The following SEMA3A variants were observed in gnomAD, a reference collection of about 807,000 sequenced individuals.
SEMA3A encodes the protein semaphorin 3A.
A neutral mutation model predicts 97.9 loss-of-function variants in SEMA3A; 29 were observed. That is an observed-to-expected ratio of 0.30 (90% CI 0.22 to 0.40). The LOEUF (loss-of-function observed/expected upper bound fraction) is 0.40, where lower values mean the gene tolerates loss of function less well. SEMA3A is among the 10% of genes least tolerant of loss of function. The pLI is 1.00. For missense variants in SEMA3A, 763 were observed against 951.3 expected, an observed-to-expected ratio of 0.80 and a Z score of 2.60; for synonymous variants, 321 against 323.7, an observed-to-expected ratio of 0.99 and a Z score of 0.09.
chr7:84,171,880 G>A (rs1232764730), intron 1 of SEMA3A, among the ~76,000 whole-genome samples: 1 of 152,002 alleles, frequency 6.6e-6, no homozygotes, highest in Non-Finnish European at 1.5e-5. Flanking sequence ...CATTTGCTGT[G>A]TCATGAGAAT....
At chr7:84,139,595 C>T (rs1026492495) in intron 1 of SEMA3A, among the ~76,000 whole-genome samples, 1 of 152,008 alleles carries the variant, frequency 6.6e-6, no homozygotes, top group African/African-American at 2.4e-5. Flanking sequence ...TTATTGTCAC[C>T]ATTCTTACTA....
In SEMA3A at chr7:83,957,492, C is replaced by G. The variant is rs1283125576; in HGVS notation, c.*3879G>C. On this transcript the variant is annotated 3_prime_UTR_variant, in exon 17 of 17. Transcript: ENST00000265362. ...TTGTTTGGTTTGGTTCCAGCTTTGC[C>G]TCTGCCTGTGTGTGCCTGCATGTTT... 6.6e-6 allele frequency: 1 copy of G among 152,022 alleles called. No homozygotes were observed. Among genetic ancestry groups the G allele is most frequent in the Non-Finnish European group, 1.5e-5 (1 of 67,962 alleles). The allele number at this position is 152,022 out of a possible 1,614,324, so 9.4% of individuals were successfully genotyped here.
chr7:84,484,133 A>G (rs951615327), intron 1 of SEMA3A, among the ~76,000 whole-genome samples: 1 of 152,076 alleles, frequency 6.6e-6, no homozygotes, highest in African/African-American at 2.4e-5. Flanking sequence ...ACTAGTTAAG[A>G]AAAAAACAGT....
At chr7:84,466,098 C>T (rs1805987604) in intron 1 of SEMA3A, among the ~76,000 whole-genome samples, 1 of 152,124 alleles carries the variant, frequency 6.6e-6, no homozygotes, top group African/African-American at 2.4e-5. Flanking sequence ...TAGTCTGTGA[C>T]ATAATCAAAA....
At chr7:84,455,246 TA>T in intron 1 of SEMA3A, among the ~76,000 whole-genome samples, 1 of 152,048 alleles carries the variant, frequency 6.6e-6, no homozygotes, top group Admixed American at 6.5e-5. Context: ...AGGTTAAAAA[TA>T]AAACAGGTAG....
intron 1 of SEMA3A, among the ~76,000 whole-genome samples, chr7:84,144,298 A>T (rs1464974280): frequency 6.6e-6 from 1 of 152,108 alleles, no homozygotes; most frequent in Non-Finnish European, 1.5e-5. Context: ...CAGAAGGAGG[A>T]AATAAGTTCA....
chr7:84,366,707 T>C (rs1802856698), intron 2 of SEMA3A, among the ~76,000 whole-genome samples: 1 of 151,366 alleles, frequency 6.6e-6, no homozygotes, highest in Admixed American at 6.6e-5. Context: ...CCCAAGAGAT[T>C]CACTTGGTTC....
chr7:83,981,420 T>C lies in SEMA3A; in HGVS notation c.1553A>G (p.Asp518Gly). ...CTCAGCACACGCTTTCCCGTAAATA[T>C]CACACCGGTGTAAAGGGAGCTGGGC... Reference protein sequence around the residue: ...GVAQLPLHRCDIYGKACAECC... With the variant: ...GVAQLPLHRCGIYGKACAECC... The change falls in exon 14 of 17, where the codon GAT (aspartate) becomes GGT (glycine). Residue 518 changes from aspartate (D) to glycine (G), a missense_variant. Asp to Gly is a moderately conservative substitution (Grantham distance 94, BLOSUM62 -1). Coordinates refer to ENST00000265362, the MANE Select transcript of SEMA3A (RefSeq NM_006080.3). The C allele has an allele frequency of 6.2e-7, 1 of 1,613,828 alleles. No homozygotes were observed. The highest frequency in any genetic ancestry group is 8.5e-7 in the Non-Finnish European group (1 of 1,179,844).
At chr7:83,977,998 T>G (rs573340330) in intron 14 of SEMA3A, among the ~76,000 whole-genome samples, 1 of 152,032 alleles carries the variant, frequency 6.6e-6, no homozygotes, top group South Asian at 2.1e-4. Flanking sequence ...AGAGACGGGA[T>G]TTCACCGTGT....
chr7:84,082,827 G>A (rs1031285246), intron 4 of SEMA3A, among the ~76,000 whole-genome samples: 7 of 151,922 alleles, frequency 4.6e-5, no homozygotes, highest in Non-Finnish European at 8.8e-5. Flanking sequence ...AAATATTGCA[G>A]ATGTCATCAT....
At chr7:84,357,180 G>A (rs1802582811) in intron 2 of SEMA3A, among the ~76,000 whole-genome samples, 1 of 150,954 alleles carries the variant, frequency 6.6e-6, no homozygotes, top group African/African-American at 2.4e-5. Flanking sequence ...TGCACAACAT[G>A]CAGGCTTGTT....
chr7:83,996,839 A>G (rs1317533594), intron 12 of SEMA3A, among the ~76,000 whole-genome samples: 1 of 152,174 alleles, frequency 6.6e-6, no homozygotes, highest in Non-Finnish European at 1.5e-5. Flanking sequence ...AGACATTTCT[A>G]GAGTCCTGTA....
intron 15 of SEMA3A, among the ~76,000 whole-genome samples, chr7:83,975,005 T>A (rs1030130691): frequency 6.6e-6 from 1 of 152,180 alleles, no homozygotes; most frequent in Non-Finnish European, 1.5e-5. Flanking sequence ...ACACTCACTT[T>A]ATTTCTTACT....
intron 3 of SEMA3A, among the ~76,000 whole-genome samples, chr7:84,304,790 A>G (rs1801111960): frequency 6.6e-6 from 1 of 152,092 alleles, no homozygotes; most frequent in Non-Finnish European, 1.5e-5. Flanking sequence ...AAATGCATTT[A>G]AACTTAAAAT....
In SEMA3A at chr7:83,986,922, G is replaced by C. The variant is rs1376642695; in HGVS notation, c.1453-1445C>G. Reference sequence around the variant, plus strand: ...ACATTACAAATGTGCTTGGTATATAGTGTTTATTCAAATCTCTCTTTCCTC... The same window carrying C: ...ACATTACAAATGTGCTTGGTATATACTGTTTATTCAAATCTCTCTTTCCTC... On this transcript the variant is annotated intron_variant, in intron 12 of 16. Transcript: ENST00000265362. Among the ~76,000 whole-genome samples the C allele has an allele frequency of 3.3e-5, 5 of 151,648 alleles. No homozygotes were observed. The East Asian group carries it at 9.7e-4, about 29-fold the overall frequency.
chr7:84,217,400 CATT>C (rs1404434147), intron 3 of SEMA3A, among the ~76,000 whole-genome samples: 1 of 152,112 alleles, frequency 6.6e-6, no homozygotes. Context: ...GAAACAAAGT[CATT>C]ATTTCTAAAT....
In SEMA3A at chr7:84,007,348, C is replaced by T; in HGVS notation, c.1140+5G>A. On this transcript the variant is annotated splice_donor_5th_base_variant and intron_variant, in intron 10 of 16. Transcript: ENST00000265362. ...TTTCATATTTTAAACACCTAAGCTA[C>T]TTACAGTTCCTGGCCGTGGATAGGG... 1 of 1,592,414 alleles carries T rather than the reference C, an allele frequency of 6.3e-7. No individual in the cohort carries two copies. Among genetic ancestry groups the T allele is most frequent in the Non-Finnish European group, 8.5e-7 (1 of 1,170,386 alleles).
rs367756021 is a variant in SEMA3A at position 84,446,102 on chromosome 7, A to T, written c.-246+46358T>A. 7.0e-4 allele frequency among the ~76,000 whole-genome samples: 106 copies of T among 152,300 alleles called. 1 individual carries two copies. The highest frequency in any genetic ancestry group is 2.4e-3 in the African/African-American group (98 of 41,584). ...TGCATGCTGATAAATTGAGTAACTT[A>T]GATGAATTGGACATACTCCTAGAAA... On this transcript the variant is annotated intron_variant, in intron 1 of 3. Transcript: ENST00000424555.
intron 1 of SEMA3A, among the ~76,000 whole-genome samples, chr7:84,405,191 T>C (rs1804042410): frequency 6.6e-6 from 1 of 151,686 alleles, no homozygotes; most frequent in South Asian, 2.1e-4. Context: ...AAAAAAGGGA[T>C]GGAGGAAGAT....
Sources: allele counts gnomAD v4.1 joint callset (sites outside exome capture counted in the v4.1 genomes callset), GRCh38; gene constraint gnomAD v4.1.1; transcripts MANE v1.5; gene names NCBI Gene and HGNC (gene_info 2026-07-23, HGNC 2026-07-21).